Variants in ADGRG2 observed in about 807,000 individuals in gnomAD.
ADGRG2 encodes adhesion G protein-coupled receptor G2.
Under a neutral mutation model 74.1 loss-of-function variants are expected in ADGRG2, and 26 were observed. The ratio of observed to expected loss-of-function variants is 0.35; its 90% confidence interval spans 0.26 to 0.49. The LOEUF (loss-of-function observed/expected upper bound fraction) is 0.49, where lower values mean the gene tolerates loss of function less well. Among genes scored for constraint, ADGRG2 ranks in the 20% least tolerant of loss-of-function variants. ADGRG2 has a pLI of 0.99. For missense variants in ADGRG2, 619 were observed against 763.1 expected (o/e 0.81, Z 2.22); for synonymous variants, 296 against 295.2 (o/e 1.00, Z -0.03).
chrX:18,990,917 C>T lies in ADGRG2; in HGVS notation c.3001G>A (p.Ala1001Thr), dbSNP rs1391300607. Residue 1001 changes from alanine to threonine, a missense_variant, in exon 29 of 29, where the codon GCT becomes ACT. Ala to Thr is a moderately conservative substitution (Grantham distance 58, BLOSUM62 0). Around this residue, in one of 3 missense-constraint regions of ADGRG2, gnomAD observed 106 missense variants for 104.5 expected, o/e 1.01. Coordinates refer to ENST00000379869, the MANE Select transcript of ADGRG2 (RefSeq NM_001079858.3). ...EDSCNGKGRM[A>T]LRRTSKRGSL... ...CCCCGCTTTGAAGTCCTTCTGAGAG[C>T]CATACGGCCTTTCCCATTGCAGGAA... The T allele has an allele frequency of 1.7e-6, 2 of 1,207,626 alleles. No individual in the cohort carries two copies. Among genetic ancestry groups the T allele is most frequent in the Admixed American group, 4.4e-5 (2 of 45,915 alleles).
chrX:19,094,513 G>A (rs2062064294), intron 1 of ADGRG2, among the ~76,000 whole-genome samples: 1 of 110,983 alleles, frequency 9.0e-6, no homozygotes, highest in Non-Finnish European at 1.9e-5. Context: ...GGAGGAGGAG[G>A]TATGGGGATG....
In ADGRG2 at chrX:18,995,058, A is replaced by G. The variant is rs1288379499; in HGVS notation, c.2717-10T>C. ...GCAGTTTTACTCCAGTCTACAGCAGAATAAGCATTACAGAAAAACAGGGCA... is the reference window on the plus strand; with the variant it reads ...GCAGTTTTACTCCAGTCTACAGCAGGATAAGCATTACAGAAAAACAGGGCA... On this transcript the variant is annotated splice_polypyrimidine_tract_variant and intron_variant, in intron 27 of 28. Coordinates refer to ENST00000379869, the MANE Select transcript of ADGRG2 (RefSeq NM_001079858.3). The G allele has an allele frequency of 8.5e-7, 1 of 1,174,791 alleles. No homozygotes were observed. Among genetic ancestry groups the G allele is most frequent in the Non-Finnish European group, 1.1e-6 (1 of 871,066 alleles).
At position 19,065,306 on chromosome X, in the gene ADGRG2, GA is replaced by G. The variant is rs200389674; in HGVS notation, c.118+3410del. ...AAAAAGTAAAGAAAAGAAAGAAAAA[GA>G]AAAAAACAAAAACAAAAACAAAATA... On this transcript the variant is annotated intron_variant, in intron 3 of 28. Transcript: ENST00000379869. Among the ~76,000 whole-genome samples the G allele has an allele frequency of 6.0e-3, 419 of 69,832 alleles. 10 individuals carry two copies. Among genetic ancestry groups the G allele is most frequent in the African/African-American group, 0.021 (402 of 19,163 alleles). 60.6% of individuals were successfully genotyped at this position (69,832 alleles called of 115,157 possible). A position where few individuals can be genotyped will look rare whatever the true frequency, so the allele number is the denominator to read the frequency against.
In ADGRG2 at chrX:19,104,958, G is replaced by A. The variant is rs183174648; in HGVS notation, c.-47+17484C>T. The stretch of plus-strand genomic sequence containing the variant: ...AAAAAAAAAGTAACTCCAAGGCTGG[G>A]CGTGGTGGCTCATGCCTGTAATCCC... On this transcript the variant is annotated intron_variant, in intron 1 of 28. Coordinates refer to ENST00000379869, the MANE Select transcript of ADGRG2 (RefSeq NM_001079858.3). Among the ~76,000 whole-genome samples the A allele has an allele frequency of 7.4e-3, 793 of 107,623 alleles. 10 individuals carry two copies. The highest frequency in any genetic ancestry group is 0.025 in the African/African-American group (739 of 29,492). 93.5% of individuals were successfully genotyped at this position (107,623 alleles called of 115,157 possible).
chrX:19,021,170 G>C lies in ADGRG2; in HGVS notation c.577C>G (p.Leu193Val). Residue 193 changes from leucine (L) to valine (V), a missense_variant, in exon 14 of 29, where the codon CTG becomes GTG. By Grantham distance (32) the Leu-to-Val change is conservative. This residue lies in a region of ADGRG2 where 292 missense variants were observed against 318.0 expected (regional missense o/e 0.92). Transcript: ENST00000379869. ...STLNCTFTIKLNNTMNACAVI... is the reference protein window; with the variant it reads ...STLNCTFTIKVNNTMNACAVI... ...GCACATGCATTCATTGTATTATTCA[G>C]TTTTATTGTGAATGTACAATTTAAT... 2 of 1,092,706 alleles carry C rather than the reference G, an allele frequency of 1.8e-6. No individual in the cohort carries two copies. Among genetic ancestry groups the C allele is most frequent in the Non-Finnish European group, 2.5e-6 (2 of 788,223 alleles). 90.1% of individuals were successfully genotyped at this position (1,092,706 alleles called of 1,213,427 possible). A position where few individuals can be genotyped will look rare whatever the true frequency, so the allele number is the denominator to read the frequency against.
At chrX:19,091,372 G>A (rs2062013451) in intron 1 of ADGRG2, among the ~76,000 whole-genome samples, 1 of 109,747 alleles carries the variant, frequency 9.1e-6, no homozygotes, top group Non-Finnish European at 1.9e-5. Flanking sequence ...GGAAGTGGGG[G>A]TCCAGTTTGG....
At chrX:19,049,516 T>A (rs185516255) in intron 3 of ADGRG2, among the ~76,000 whole-genome samples, 1 of 105,284 alleles carries the variant, frequency 9.5e-6, no homozygotes, top group Non-Finnish European at 1.9e-5. Flanking sequence ...TGATAGCGCC[T>A]CCACTGAGAA....
At chrX:19,077,490 G>T (rs2061771199) in intron 2 of ADGRG2, among the ~76,000 whole-genome samples, 1 of 104,195 alleles carries the variant, frequency 9.6e-6, no homozygotes, top group South Asian at 4.5e-4. Context: ...CTCCAGCCTG[G>T]GCAACAAGAG....
intron 11 of ADGRG2, among the ~76,000 whole-genome samples, chrX:19,026,716 G>A (rs759839537): frequency 9.0e-6 from 1 of 110,719 alleles, no homozygotes; most frequent in Admixed American, 9.6e-5. Flanking sequence ...GGCTAGTCTT[G>A]AACTCCTGCC....
At chrX:19,009,568 A>G (rs760170945) in intron 18 of ADGRG2, 58 bp downstream of exon 18, 3 of 1,019,554 alleles carry the variant, frequency 2.9e-6, no homozygotes, top group Non-Finnish European at 4.2e-6. Flanking sequence ...ATGAAATACA[A>G]TGGGGACTAC....
intron 1 of ADGRG2, among the ~76,000 whole-genome samples, chrX:19,104,568 A>G (rs1189029304): frequency 1.8e-5 from 2 of 111,794 alleles, no homozygotes; most frequent in Non-Finnish European, 3.8e-5. Flanking sequence ...ATTAAAATTA[A>G]CAAAAGGAAT....
chrX:19,066,966 C>A lies in ADGRG2; in HGVS notation c.118+1751G>T, dbSNP rs765633829. Among the ~76,000 whole-genome samples, 21 of 111,720 alleles carry A rather than the reference C, an allele frequency of 1.9e-4. No homozygotes were observed. The East Asian group carries it at 5.3e-3, about 28-fold the overall frequency. On this transcript the variant is annotated intron_variant, in intron 3 of 28. Transcript: ENST00000379869. ...ATATGGTTGTACCTTCAAGTAGATA[C>A]ATTTAAAAACAAGTAAACACCAGAA...
chrX:19,099,458 C>T (rs1248225364), intron 1 of ADGRG2, among the ~76,000 whole-genome samples: 1 of 111,946 alleles, frequency 8.9e-6, no homozygotes, highest in Non-Finnish European at 1.9e-5. Flanking sequence ...TTGGCAAAAC[C>T]AAGATACAGC....
intron 3 of ADGRG2, among the ~76,000 whole-genome samples, chrX:19,045,287 G>GGT (rs1569100915): frequency 1.7e-5 from 1 of 59,185 alleles, no homozygotes; most frequent in African/African-American, 5.8e-5. Context: ...CAGAAATGGG[G>GGT]GGTGTTGTTA....
chrX:19,079,979 C>T (rs2061818334), intron 2 of ADGRG2, among the ~76,000 whole-genome samples: 1 of 105,928 alleles, frequency 9.4e-6, no homozygotes, highest in Non-Finnish European at 1.9e-5. Flanking sequence ...GGCGTGATCT[C>T]GGCTCACCGC....
At chrX:19,093,246 A>C (rs2062040381) in intron 1 of ADGRG2, among the ~76,000 whole-genome samples, 1 of 111,556 alleles carries the variant, frequency 9.0e-6, no homozygotes, top group Non-Finnish European at 1.9e-5. Flanking sequence ...ATTCTTATCA[A>C]GGTCATAACT....
intron 15 of ADGRG2, among the ~76,000 whole-genome samples, chrX:19,019,091 C>T (rs763147242): frequency 3.4e-4 from 38 of 111,940 alleles, no homozygotes; most frequent in Non-Finnish European, 6.2e-4. Context: ...GTGATCCGCC[C>T]ACCTTGGCCT....
Position 19,023,947 on chromosome X carries a change from G to A in ADGRG2, c.472C>T (p.Arg158Cys), listed in dbSNP as rs1477983685. The change falls in exon 12 of 29, where the codon CGC becomes TGC. Residue 158 changes from arginine (R) to cysteine (C), a missense_variant and splice_region_variant. This residue lies in a region of ADGRG2 where 292 missense variants were observed against 318.0 expected (regional missense o/e 0.92). Transcript: ENST00000379869. The part of the protein sequence containing the change: ...TGVLSLSELK[R>C]SELNKTLQTL... ...TGCAGGGTTTTGTTGAGCTCTGAGCGTCTGTAATAAAATGAGAGAAATTGA... is the reference window on the plus strand; with the variant it reads ...TGCAGGGTTTTGTTGAGCTCTGAGCATCTGTAATAAAATGAGAGAAATTGA... 2.6e-5 allele frequency: 30 copies of A among 1,174,691 alleles called. No individual in the cohort carries two copies. Among genetic ancestry groups the A allele is most frequent in the Non-Finnish European group, 2.8e-5 (24 of 863,706 alleles).
At chrX:19,035,756 G>T in intron 7 of ADGRG2, 186 bp downstream of exon 7, 1 of 334,419 alleles carries the variant, frequency 3.0e-6, no homozygotes, top group South Asian at 9.8e-5. Flanking sequence ...TTGGAAGTTT[G>T]GGAGTGTGGT....
Sources: gnomAD v4.1 joint callset for allele counts (sites outside exome capture counted in the v4.1 genomes callset) on GRCh38, gnomAD v4.1.1 for gene constraint, gnomAD v4.1.1 regional missense constraint, MANE v1.5 for transcripts, NCBI Gene and HGNC (gene_info 2026-07-23, HGNC 2026-07-21) for gene names.